Variants in PROS1 observed in about 807,000 individuals in gnomAD.
The protein encoded by PROS1 is vitamin K-dependent protein S.
In PROS1, 29 loss-of-function variants were observed where a neutral mutation model predicts 75.9. The observed-to-expected ratio is 0.38, with a 90% confidence interval of 0.28 to 0.52. The LOEUF (loss-of-function observed/expected upper bound fraction) is 0.52. Ranked by LOEUF, PROS1 falls within the 20% of genes least tolerant of loss-of-function variation. The pLI, the probability that PROS1 is intolerant of heterozygous loss-of-function variation, is 0.83. For missense variants in PROS1, 680 were observed against 810.3 expected (o/e 0.84, Z 1.95); for synonymous variants, 245 against 280.6 (o/e 0.87, Z 1.27).
intron 2 of PROS1, among the ~76,000 whole-genome samples, chr3:93,925,483 T>C (rs1709002644): frequency 2.6e-5 from 4 of 151,276 alleles, no homozygotes; most frequent in Admixed American, 2.6e-4. Flanking sequence ...AGTGGTTGGG[T>C]AGGGTCGAAA....
intron 1 of PROS1, among the ~76,000 whole-genome samples, chr3:93,957,180 T>A (rs527991914): frequency 6.6e-6 from 1 of 152,266 alleles, no homozygotes; most frequent in East Asian, 1.9e-4. Context: ...GATATAGACT[T>A]TAACTTACTG....
In PROS1 at chr3:93,879,437, T is replaced by C. The variant is rs1250861945; in HGVS notation, c.1493-123A>G. 3.0e-6 allele frequency: 4 copies of C among 1,335,880 alleles called. No homozygotes were observed. The African/African-American group carries it at 5.8e-5, about 19-fold the overall frequency. 82.8% of individuals were successfully genotyped at this position (1,335,880 alleles called of 1,614,324 possible). A position where few individuals can be genotyped will look rare whatever the true frequency, so the allele number is the denominator to read the frequency against. ...CTTGTGTAATACTATTTCCATTCCC[T>C]TTCTCAATGATCTATATAACCTAGG... On this transcript the variant is annotated intron_variant, in intron 12 of 14. Transcript: ENST00000394236.
intron 1 of PROS1, among the ~76,000 whole-genome samples, chr3:93,952,602 A>G (rs1247888826): frequency 1.3e-5 from 2 of 152,244 alleles, no homozygotes; most frequent in Non-Finnish European, 2.9e-5. Flanking sequence ...AATTTATAGA[A>G]CTAAAGGCTC....
At chr3:93,889,279 C>T (rs1051051362) in intron 10 of PROS1, among the ~76,000 whole-genome samples, 5 of 152,054 alleles carry the variant, frequency 3.3e-5, no homozygotes, top group African/African-American at 4.8e-5. Flanking sequence ...GTTTGCGTCT[C>T]ACCATTAGAA....
At chr3:93,971,627 C>CCACACACA (rs748664337) in intron 1 of PROS1, among the ~76,000 whole-genome samples, 14,494 of 124,304 alleles carry the variant, frequency 0.12, 1,010 homozygotes, top group East Asian at 0.17. Flanking sequence ...AAAATAAAAA[C>CCACACACA]CACACACACA....
chr3:93,944,958 G>T (rs1333117972), intron 1 of PROS1, among the ~76,000 whole-genome samples: 1 of 151,820 alleles, frequency 6.6e-6, no homozygotes, highest in African/African-American at 2.4e-5. Flanking sequence ...GAATCAAATA[G>T]ACGCAATAAA....
Position 93,942,104 on chromosome 3 carries a change from T to C in PROS1, c.77-14697A>G, listed in dbSNP as rs140294421. Among the ~76,000 whole-genome samples, 66 of 152,238 alleles carry C rather than the reference T, an allele frequency of 4.3e-4. 1 individual carries two copies. In the East Asian group the frequency reaches 0.012, roughly 28 times the overall value. ...TGTTCCTCACCCTGATCACACTTGG[T>C]TTATCGATGGCAGTTCCACCAGGCC... On this transcript the variant is annotated intron_variant, in intron 1 of 14. Coordinates refer to ENST00000394236, the MANE Select transcript of PROS1 (RefSeq NM_000313.4).
In PROS1 at chr3:93,905,935, A is replaced by C; in HGVS notation, c.470-20T>G. On this transcript the variant is annotated intron_variant, in intron 5 of 14. Coordinates refer to ENST00000394236, the MANE Select transcript of PROS1 (RefSeq NM_000313.4). ...TTATGTCTAAAACAGGAAAAAAATA[A>C]ATTATTTTTAAAGTAATATAACCTG... The C allele has an allele frequency of 6.2e-7, 1 of 1,612,418 alleles. No homozygotes were observed. The highest frequency in any genetic ancestry group is 1.1e-5 in the South Asian group (1 of 90,632).
At chr3:93,946,397 T>A in intron 1 of PROS1, among the ~76,000 whole-genome samples, 1 of 152,174 alleles carries the variant, frequency 6.6e-6, no homozygotes. Context: ...GCTACATGAC[T>A]TCAAACTATA....
At chr3:93,875,312 T>G (rs1708165693) in intron 14 of PROS1, among the ~76,000 whole-genome samples, 1 of 152,134 alleles carries the variant, frequency 6.6e-6, no homozygotes, top group Non-Finnish European at 1.5e-5. Context: ...ACATGCCTAC[T>G]TTGCATGTAA....
chr3:93,923,903 CA>C lies in PROS1; in HGVS notation c.259+336del, dbSNP rs11445254. Among the ~76,000 whole-genome samples the C allele has an allele frequency of 1.1e-3, 126 of 112,100 alleles. No homozygotes were observed. The Middle Eastern group carries it at 0.021, about 18-fold the overall frequency. 73.5% of individuals were successfully genotyped at this position (112,100 alleles called of 152,430 possible). Reference sequence around the variant, plus strand: ...GGTGACACAGCAAGGCGCTGCCTCACAAAAAAAAAAAAACAGTTAACCCATG... The same window carrying C: ...GGTGACACAGCAAGGCGCTGCCTCACAAAAAAAAAAAACAGTTAACCCATG... On this transcript the variant is annotated intron_variant, in intron 3 of 14. Coordinates refer to ENST00000394236, the MANE Select transcript of PROS1 (RefSeq NM_000313.4).
In PROS1 at chr3:93,943,007, A is replaced by T. The variant is rs551278131; in HGVS notation, c.77-15600T>A. ...AAAGGCCTTTCCCTCAGGGTCTGAG[A>T]AGTCCACTGCGGTCATTTCTTCCCT... On this transcript the variant is annotated intron_variant, in intron 1 of 14. Coordinates refer to ENST00000394236, the MANE Select transcript of PROS1 (RefSeq NM_000313.4). 6.6e-5 allele frequency among the ~76,000 whole-genome samples: 10 copies of T among 152,292 alleles called. No individual in the cohort carries two copies. In the South Asian group the frequency reaches 1.9e-3, roughly 28 times the overall value.
At chr3:93,923,731 C>T (rs547322148) in intron 3 of PROS1, among the ~76,000 whole-genome samples, 138 of 152,158 alleles carry the variant, frequency 9.1e-4, no homozygotes, top group Non-Finnish European at 1.6e-3. Flanking sequence ...GAAACCCTGT[C>T]TCTACTAAAA....
chr3:93,886,966 C>T (rs1488077481), intron 10 of PROS1, among the ~76,000 whole-genome samples: 3 of 147,042 alleles, frequency 2.0e-5, no homozygotes, highest in Non-Finnish European at 4.5e-5. Flanking sequence ...GGCCAGACTG[C>T]GGACTGCAGT....
intron 1 of PROS1, among the ~76,000 whole-genome samples, chr3:93,964,500 A>G (rs1298055162): frequency 6.6e-6 from 1 of 152,098 alleles, no homozygotes; most frequent in Non-Finnish European, 1.5e-5. Context: ...TAGGGTGGGG[A>G]AAAAACCTCA....
At chr3:93,888,218 T>G (rs1435664810) in intron 10 of PROS1, among the ~76,000 whole-genome samples, 3 of 152,196 alleles carry the variant, frequency 2.0e-5, no homozygotes, top group Non-Finnish European at 4.4e-5. Flanking sequence ...TTCCCACCAC[T>G]TTGGAAAATT....
intron 1 of PROS1, among the ~76,000 whole-genome samples, chr3:93,961,941 A>G (rs1391010099): frequency 2.0e-5 from 3 of 152,050 alleles, no homozygotes; most frequent in African/African-American, 7.2e-5. Flanking sequence ...CGTCACCCCT[A>G]CCTATTCTCT....
At chr3:93,957,992 G>C (rs1709634867) in intron 1 of PROS1, among the ~76,000 whole-genome samples, 1 of 152,042 alleles carries the variant, frequency 6.6e-6, no homozygotes, top group Non-Finnish European at 1.5e-5. Context: ...GGAGGCTGAG[G>C]CAGGAGAATC....
intron 9 of PROS1, 63 bp downstream of exon 9, chr3:93,896,513 C>T: frequency 5.7e-6 from 7 of 1,238,164 alleles, no homozygotes; most frequent in Non-Finnish European, 8.4e-6. Flanking sequence ...ACCTTTTCGG[C>T]CACTTTTCTT....
Sources: allele counts gnomAD v4.1 joint callset (sites outside exome capture counted in the v4.1 genomes callset), GRCh38; gene constraint gnomAD v4.1.1; transcripts MANE v1.5; gene names NCBI Gene and HGNC (gene_info 2026-07-23, HGNC 2026-07-21).